The following ARHGEF38 variants were observed in gnomAD, a reference collection of about 807,000 sequenced individuals.
ARHGEF38 encodes the protein Rho guanine nucleotide exchange factor (GEF) 38.
ARHGEF38 carries 79 observed loss-of-function variants against 79.9 expected under a neutral mutation model. That is an observed-to-expected ratio of 0.99 (90% confidence interval 0.82 to 1.19). The LOEUF (loss-of-function observed/expected upper bound fraction) is 1.19, where lower values mean the gene tolerates loss of function less well. Among genes scored for constraint, ARHGEF38 ranks in the 50% most tolerant of loss-of-function variants. The probability of loss-of-function intolerance (pLI) is 0.00; values close to 1 mark genes in which losing one functional copy is unlikely to be tolerated. For synonymous variants in ARHGEF38, 366 were observed against 328.3 expected (o/e 1.11, Z -1.24); for missense variants, 962 against 907.2 (o/e 1.06, Z -0.78).
At chr4:105,635,233 A>C (rs1211071362) in intron 4 of ARHGEF38, among the ~76,000 whole-genome samples, 1 of 151,780 alleles carries the variant, frequency 6.6e-6, no homozygotes, top group Admixed American at 6.6e-5. Context: ...GGTTGGGATT[A>C]GCTTCTGCAA....
intron 1 of ARHGEF38, among the ~76,000 whole-genome samples, chr4:105,576,599 A>G (rs1279520593): frequency 6.6e-6 from 1 of 152,136 alleles, no homozygotes; most frequent in Non-Finnish European, 1.5e-5. Flanking sequence ...TCCTAAGTAT[A>G]GAGTCATGTC....
intron 1 of ARHGEF38, among the ~76,000 whole-genome samples, chr4:105,582,429 T>C (rs902095112): frequency 6.6e-6 from 1 of 152,040 alleles, no homozygotes; most frequent in Non-Finnish European, 1.5e-5. Context: ...TGTTTTAATT[T>C]GTAATATTTT....
At chr4:105,651,422 A>T (rs1730100423) in intron 7 of ARHGEF38, among the ~76,000 whole-genome samples, 1 of 152,204 alleles carries the variant, frequency 6.6e-6, no homozygotes, top group South Asian at 2.1e-4. Flanking sequence ...TTCATCATAC[A>T]TATATTGAAC....
chr4:105,631,900 A>C (rs2110518943), intron 4 of ARHGEF38, among the ~76,000 whole-genome samples: 1 of 152,244 alleles, frequency 6.6e-6, no homozygotes, highest in South Asian at 2.1e-4. Flanking sequence ...ATCCACTGTC[A>C]AATAATTTTG....
chr4:105,594,529 A>G (rs1192176018), intron 2 of ARHGEF38, among the ~76,000 whole-genome samples: 1 of 152,220 alleles, frequency 6.6e-6, no homozygotes, highest in Non-Finnish European at 1.5e-5. Flanking sequence ...TCTTTTCTCT[A>G]TACAAAATCA....
At chr4:105,663,134 T>C (rs925771026) in intron 10 of ARHGEF38, among the ~76,000 whole-genome samples, 2 of 152,158 alleles carry the variant, frequency 1.3e-5, no homozygotes, top group African/African-American at 2.4e-5. Flanking sequence ...GTAACACATC[T>C]TGCATAACTA....
intron 11 of ARHGEF38, among the ~76,000 whole-genome samples, chr4:105,666,647 T>C (rs1730760862): frequency 6.6e-6 from 1 of 152,208 alleles, no homozygotes; most frequent in Non-Finnish European, 1.5e-5. Flanking sequence ...CTTTTCTACA[T>C]AAGGCATACC....
intron 1 of ARHGEF38, among the ~76,000 whole-genome samples, chr4:105,565,060 C>G (rs6533213): frequency 0.62 from 93,881 of 152,144 alleles, 30,979 homozygotes; most frequent in East Asian, 0.92. Flanking sequence ...TAAATTCAAA[C>G]CAATACCACT....
chr4:105,599,298 C>T (rs1414336924), intron 2 of ARHGEF38, among the ~76,000 whole-genome samples: 1 of 152,144 alleles, frequency 6.6e-6, no homozygotes, highest in East Asian at 1.9e-4. Flanking sequence ...AGCTTCAGTG[C>T]TCTCTAATTT....
intron 2 of ARHGEF38, among the ~76,000 whole-genome samples, chr4:105,602,043 A>G (rs2110476630): frequency 6.6e-6 from 1 of 152,292 alleles, no homozygotes; most frequent in Non-Finnish European, 1.5e-5. Flanking sequence ...TGAAAAAGAA[A>G]TGAGTGGATG....
At chr4:105,576,007 T>C (rs1242463907) in intron 1 of ARHGEF38, among the ~76,000 whole-genome samples, 3 of 152,228 alleles carry the variant, frequency 2.0e-5, no homozygotes, top group Non-Finnish European at 2.9e-5. Flanking sequence ...CCTTAGTCTA[T>C]CTGCCTCCTT....
At chr4:105,577,278 A>G (rs1163297602) in intron 1 of ARHGEF38, among the ~76,000 whole-genome samples, 2 of 117,300 alleles carry the variant, frequency 1.7e-5, no homozygotes, top group African/African-American at 6.7e-5. Flanking sequence ...CAGTCCCCAG[A>G]GGGTGATGTT....
intron 10 of ARHGEF38, among the ~76,000 whole-genome samples, chr4:105,661,220 C>T (rs2110567477): frequency 6.6e-6 from 1 of 152,302 alleles, no homozygotes; most frequent in Non-Finnish European, 1.5e-5. Context: ...TTTACTTATT[C>T]ATTCGTCAGT....
intron 13 of ARHGEF38, among the ~76,000 whole-genome samples, chr4:105,674,204 T>A (rs1731047446): frequency 6.6e-6 from 1 of 151,916 alleles, no homozygotes; most frequent in East Asian, 1.9e-4. Context: ...TAGGTATGAG[T>A]CAATAATACA....
chr4:105,595,800 A>G (rs764780169), intron 2 of ARHGEF38, among the ~76,000 whole-genome samples: 2 of 152,146 alleles, frequency 1.3e-5, no homozygotes, highest in Non-Finnish European at 2.9e-5. Flanking sequence ...TTGTTATACT[A>G]TATTGTTTAG....
At chr4:105,677,024 C>G (rs1324155553) in intron 13 of ARHGEF38, among the ~76,000 whole-genome samples, 1 of 151,414 alleles carries the variant, frequency 6.6e-6, no homozygotes, top group Non-Finnish European at 1.5e-5. Flanking sequence ...AGTGCAGTGG[C>G]GCGATCTCGG....
chr4:105,679,801 G>T lies in ARHGEF38; in HGVS notation c.*1864G>T. 1 of 1,099,402 alleles carries T rather than the reference G, an allele frequency of 9.1e-7. No individual in the cohort carries two copies. The highest frequency in any genetic ancestry group is 1.4e-6 in the Non-Finnish European group (1 of 719,390). The allele number at this position is 1,099,402 out of a possible 1,614,324, so 68.1% of individuals were successfully genotyped here. On this transcript the variant is annotated 3_prime_UTR_variant, in exon 14 of 14. Transcript: ENST00000420470. ...CCCCTGTCTGTCCAGCTTTACCCAC[G>T]CATCCAGAGAGATGGATATAGGACT...
At chr4:105,648,448 A>G (rs956415167) in intron 6 of ARHGEF38, 101 bp from the exon 7 acceptor site, 11 of 1,114,492 alleles carry the variant, frequency 9.9e-6, no homozygotes, top group Admixed American at 3.1e-5. Context: ...TCATATACAT[A>G]TTTATCTTGA....
chr4:105,656,328 G>T (rs1424158167), intron 9 of ARHGEF38, among the ~76,000 whole-genome samples: 4 of 152,110 alleles, frequency 2.6e-5, no homozygotes, highest in Non-Finnish European at 5.9e-5. Flanking sequence ...CTCTGGAAAT[G>T]CCTTGAGTCC....
Sources: gnomAD v4.1 joint callset for allele counts (sites outside exome capture counted in the v4.1 genomes callset) on GRCh38, gnomAD v4.1.1 for gene constraint, MANE v1.5 for transcripts, NCBI Gene and HGNC (gene_info 2026-07-23, HGNC 2026-07-21) for gene names.